MBTPS1: variants seen among roughly 807,000 people sequenced by gnomAD.
The protein encoded by MBTPS1 is membrane-bound transcription factor site-1 protease.
Under a neutral mutation model 127.8 loss-of-function variants are expected in MBTPS1, and 94 were observed. That is an observed-to-expected ratio of 0.74 (90% CI 0.62 to 0.87). The LOEUF (loss-of-function observed/expected upper bound fraction) is 0.87, where lower values mean the gene tolerates loss of function less well. Ranked by LOEUF, MBTPS1 falls within the 40% of genes least tolerant of loss-of-function variation. The pLI is 0.00. For synonymous variants in MBTPS1, 632 were observed against 509.4 expected (o/e 1.24, Z -3.24); for missense variants, 1,636 against 1,353.2 (o/e 1.21, Z -3.28).
chr16:84,078,909 A>G (rs572168731), intron 11 of MBTPS1, among the ~76,000 whole-genome samples: 1 of 152,374 alleles, frequency 6.6e-6, no homozygotes, highest in Admixed American at 6.5e-5. Context: ...CCTGGTAGAA[A>G]GAATGGGCGA....
chr16:84,070,787 A>C lies in MBTPS1; in HGVS notation c.1594-11T>G, dbSNP rs775816467. On this transcript the variant is annotated splice_polypyrimidine_tract_variant and intron_variant, in intron 12 of 22. Transcript: ENST00000343411. ...GGGCTGCCAGTCAGGCTGCAGGAAA[A>C]AGAAATCAGACAAAGGCTAAAGTGA... 1.2e-5 allele frequency: 19 copies of C among 1,595,756 alleles called. No homozygotes were observed. Among genetic ancestry groups the C allele is most frequent in the Non-Finnish European group, 1.6e-5 (19 of 1,171,104 alleles).
Position 84,070,536 on chromosome 16 carries a change from A to C in MBTPS1, c.1782+52T>G, listed in dbSNP as rs1361235715. On this transcript the variant is annotated intron_variant, in intron 13 of 22. Coordinates refer to ENST00000343411, the MANE Select transcript of MBTPS1 (RefSeq NM_003791.4). ...AGGCATTTGGCCTGTCCCTCCCTGA[A>C]AGGTGATGTCAAACAGCTAAGAAAA... 6.3e-6 allele frequency: 10 copies of C among 1,583,146 alleles called. No homozygotes were observed. In the East Asian group the frequency reaches 2.0e-4, roughly 32 times the overall value.
chr16:84,076,566 AACTC>A (rs1019215360), intron 11 of MBTPS1, among the ~76,000 whole-genome samples: 1 of 152,222 alleles, frequency 6.6e-6, no homozygotes, highest in African/African-American at 2.4e-5. Flanking sequence ...TAATAAAACT[AACTC>A]AAACAATAAT....
At chr16:84,106,065 C>T (rs1288248571) in intron 1 of MBTPS1, among the ~76,000 whole-genome samples, 2 of 152,088 alleles carry the variant, frequency 1.3e-5, no homozygotes, top group Non-Finnish European at 2.9e-5. Flanking sequence ...GAGGCCAAGG[C>T]GGGTGGATCA....
In MBTPS1 at chr16:84,106,910, G is replaced by A. The variant is rs376393405; in HGVS notation, c.-324-4803C>T. ...CCAGATGTGGGGGCACACAAGTGAG[G>A]ATTCAAGGCAACACCAAGGCTGGTT... On this transcript the variant is annotated intron_variant, in intron 1 of 22. Coordinates refer to ENST00000343411, the MANE Select transcript of MBTPS1 (RefSeq NM_003791.4). Among the ~76,000 whole-genome samples, 594 of 152,324 alleles carry A rather than the reference G, an allele frequency of 3.9e-3. 4 individuals carry two copies. The highest frequency in any genetic ancestry group is 0.013 in the African/African-American group (557 of 41,582).
At chr16:84,102,458 T>G (rs951901472) in intron 1 of MBTPS1, among the ~76,000 whole-genome samples, 2 of 152,224 alleles carry the variant, frequency 1.3e-5, no homozygotes, top group Non-Finnish European at 2.9e-5. Flanking sequence ...AAAATTTTTT[T>G]TAGGCATCTT....
chr16:84,101,505 G>C (rs2086254804), intron 2 of MBTPS1, 116 bp downstream of exon 2: 2 of 833,422 alleles, frequency 2.4e-6, no homozygotes, highest in Non-Finnish European at 3.5e-6. Context: ...AAAAAAAAAA[G>C]AAAGAAATTT....
intron 1 of MBTPS1, among the ~76,000 whole-genome samples, chr16:84,114,923 GT>G (rs200496587): frequency 6.6e-6 from 1 of 150,556 alleles, no homozygotes; most frequent in Admixed American, 6.6e-5. Context: ...AGTCTTCCAA[GT>G]TTTTTTTTGT....
intron 3 of MBTPS1, among the ~76,000 whole-genome samples, chr16:84,096,407 G>A (rs547276609): frequency 6.6e-6 from 1 of 152,314 alleles, no homozygotes; most frequent in African/African-American, 2.4e-5. Flanking sequence ...GATTTTGTTG[G>A]TGGATATTTG....
chr16:84,114,800 G>A (rs922753457), intron 1 of MBTPS1, among the ~76,000 whole-genome samples: 1 of 141,580 alleles, frequency 7.1e-6, no homozygotes, highest in Admixed American at 6.9e-5. Flanking sequence ...CTGCACTCCA[G>A]CCTGGGCGAC....
chr16:84,068,836 G>C (rs1216339297), intron 14 of MBTPS1, among the ~76,000 whole-genome samples: 7 of 152,248 alleles, frequency 4.6e-5, no homozygotes, highest in Non-Finnish European at 2.9e-5. Context: ...GCTGGAACAA[G>C]CCACGCAGGG....
chr16:84,116,530 G>C (rs1197961813), intron 1 of MBTPS1, among the ~76,000 whole-genome samples: 2 of 152,232 alleles, frequency 1.3e-5, no homozygotes, highest in East Asian at 1.9e-4. Flanking sequence ...CAAGCTGCCG[G>C]AGCGCGCAGA....
In MBTPS1 at chr16:84,069,934, G is replaced by A. The variant is rs769036670; in HGVS notation, c.1887C>T (p.His629=). 1.3e-5 allele frequency: 21 copies of A among 1,614,010 alleles called. No homozygotes were observed. The highest frequency in any genetic ancestry group is 1.2e-4 in the Admixed American group (7 of 59,996). ...AATAGCCAGGTGGATAGCGGAGGTT[G>A]TGGTACTGATCCCAGAGAACTCTCT... is the stretch of plus-strand genomic sequence containing the variant. The part of the protein sequence containing the change: ...RSKRVLWDQY[H]NLRYPPGYFP... The change falls in exon 14 of 23, where the codon CAC becomes CAT. Residue 629 remains histidine, a synonymous_variant. Transcript: ENST00000343411.
intron 11 of MBTPS1, chr16:84,075,704 A>G (rs1015524421): frequency 3.9e-5 from 6 of 152,256 alleles, no homozygotes; most frequent in African/African-American, 1.4e-4. Context: ...ACAAAGATGT[A>G]TCTGGGCCAA....
chr16:84,111,359 G>A (rs543404309), intron 1 of MBTPS1, among the ~76,000 whole-genome samples: 1 of 152,284 alleles, frequency 6.6e-6, no homozygotes, highest in South Asian at 2.1e-4. Flanking sequence ...GGCCAACATG[G>A]TGAAACCCCG....
chr16:84,096,120 T>C (rs1481632155), intron 3 of MBTPS1, among the ~76,000 whole-genome samples: 1 of 152,180 alleles, frequency 6.6e-6, no homozygotes, highest in Non-Finnish European at 1.5e-5. Context: ...AAGAAAAACC[T>C]GATTTTCATC....
At chr16:84,079,328 G>A (rs997643633) in intron 11 of MBTPS1, among the ~76,000 whole-genome samples, 17 of 152,084 alleles carry the variant, frequency 1.1e-4, no homozygotes, top group Admixed American at 2.0e-4. Flanking sequence ...AAGAACAAAC[G>A]AACACATCCT....
intron 8 of MBTPS1, among the ~76,000 whole-genome samples, chr16:84,089,902 A>G (rs1023238025): frequency 6.6e-6 from 1 of 152,214 alleles, no homozygotes; most frequent in African/African-American, 2.4e-5. Context: ...ACCTGACGAG[A>G]TGACTTAATA....
intron 12 of MBTPS1, among the ~76,000 whole-genome samples, chr16:84,074,062 T>A (rs149479813): frequency 6.6e-6 from 1 of 151,958 alleles, no homozygotes; most frequent in East Asian, 1.9e-4. Flanking sequence ...AGGCGCAAAA[T>A]TGTATAGATG....
Sources: allele counts gnomAD v4.1 joint callset (sites outside exome capture counted in the v4.1 genomes callset), GRCh38; gene constraint gnomAD v4.1.1; transcripts MANE v1.5; gene names NCBI Gene and HGNC (gene_info 2026-07-23, HGNC 2026-07-21).